CATSPERE: variants seen among roughly 807,000 people sequenced by gnomAD.
The protein encoded by CATSPERE is catsper channel auxiliary subunit epsilon, also known as cation channel sperm-associated auxiliary subunit epsilon.
Under a neutral mutation model 114.1 loss-of-function variants are expected in CATSPERE, and 93 were observed. The observed-to-expected ratio is 0.81, with a 90% CI of 0.69 to 0.97. The LOEUF (loss-of-function observed/expected upper bound fraction) is 0.97. CATSPERE is among the 50% of genes least tolerant of loss of function. The probability of loss-of-function intolerance (pLI) is 0.00; values close to 1 mark genes in which losing one functional copy is unlikely to be tolerated. For missense variants in CATSPERE, 1,058 were observed against 1,131.6 expected (o/e 0.93, Z 0.93); for synonymous variants, 341 against 384.1 (o/e 0.89, Z 1.31).
chr1:244,617,607 A>G lies in CATSPERE; in HGVS notation c.2569A>G (p.Asn857Asp). The G allele has an allele frequency of 1.3e-6, 2 of 1,543,984 alleles. No homozygotes were observed. Among genetic ancestry groups the G allele is most frequent in the Non-Finnish European group, 1.7e-6 (2 of 1,144,844 alleles). The change falls in exon 20 of 22, where the codon AAT becomes GAT. Residue 857 changes from asparagine to aspartate, a missense_variant. By Grantham distance (23) the Asn-to-Asp change is conservative. This residue lies in a region of CATSPERE where 787 missense variants were observed against 905.6 expected (regional missense o/e 0.87). Transcript: ENST00000366534. ...NQPYEIINSSNGNHIFWPMGH... is the reference protein window; with the variant it reads ...NQPYEIINSSDGNHIFWPMGH... ...ACCATACGAGATTATCAACAGTTCT[A>G]ATGGTAACCATATATTTTGGCCCAT...
rs572726297 is a variant in CATSPERE at position 244,611,322 on chromosome 1, GCTCACAC to G, written c.2490+999_2490+1005del. On this transcript the variant is annotated intron_variant, in intron 19 of 21. Coordinates refer to ENST00000366534, the MANE Select transcript of CATSPERE (RefSeq NM_001130957.2). ...AATCATAAGGGGGCCAGGCATGGTG[GCTCACAC>G]CTGTAATCCTAACACTTTCTGAGGC... Among the ~76,000 whole-genome samples the G allele has an allele frequency of 6.1e-3, 926 of 152,104 alleles. 12 individuals carry two copies. The highest frequency in any genetic ancestry group is 0.022 in the African/African-American group (894 of 41,486).
chr1:244,565,874 CTA>C (rs1432204485), intron 10 of CATSPERE, among the ~76,000 whole-genome samples: 1 of 152,130 alleles, frequency 6.6e-6, no homozygotes, highest in African/African-American at 2.4e-5. Flanking sequence ...TTGTCTTCTG[CTA>C]GCTTTTGAAC....
rs1665116135 is a variant in CATSPERE at position 244,575,556 on chromosome 1, C to T, written c.1950+2784C>T. On this transcript the variant is annotated intron_variant, in intron 11 of 21. Transcript: ENST00000366534. This position sits in a 1 kb window ranked among gnomAD's most constrained non-coding sequence, Gnocchi z 4.5. ...CTGGTGGCCTGGATGGCTCTAGCTG[C>T]ATGGCTGGGTGCGAGGAGAGCATCC... Among the ~76,000 whole-genome samples the T allele has an allele frequency of 6.6e-6, 1 of 152,178 alleles. No homozygotes were observed. Among genetic ancestry groups the T allele is most frequent in the Non-Finnish European group, 1.5e-5 (1 of 68,024 alleles).
At chr1:244,616,380 G>A (rs2819009) in intron 19 of CATSPERE, among the ~76,000 whole-genome samples, 23,830 of 152,148 alleles carry the variant, frequency 0.16, 2,038 homozygotes, top group East Asian at 0.28. Context: ...TTCAAAATAC[G>A]TAGAAAAAAG....
chr1:244,612,637 A>G (rs1035195990), intron 19 of CATSPERE, among the ~76,000 whole-genome samples: 8 of 152,188 alleles, frequency 5.3e-5, no homozygotes, highest in Non-Finnish European at 8.8e-5. Context: ...AAAATTGAGT[A>G]TAATGCATGA....
At chr1:244,472,341 A>G (rs1668619124) in intron 2 of CATSPERE, among the ~76,000 whole-genome samples, 1 of 152,230 alleles carries the variant, frequency 6.6e-6, no homozygotes, top group Non-Finnish European at 1.5e-5. Context: ...TGCATATTGA[A>G]TACATTTTGG....
At chr1:244,535,415 C>G (rs915581223) in intron 8 of CATSPERE, among the ~76,000 whole-genome samples, 1 of 152,170 alleles carries the variant, frequency 6.6e-6, no homozygotes, top group Admixed American at 6.5e-5. Flanking sequence ...AGTCAGAAAC[C>G]TTAGAAATCT....
chr1:244,506,833 C>T (rs539876403), intron 7 of CATSPERE, among the ~76,000 whole-genome samples: 1 of 152,208 alleles, frequency 6.6e-6, no homozygotes, highest in Non-Finnish European at 1.5e-5. Context: ...CTTCACCCTA[C>T]TATGCTATCA....
upstream of CATSPERE, among the ~76,000 whole-genome samples, chr1:244,457,871 A>G (rs1415817635): frequency 2.0e-5 from 3 of 152,186 alleles, no homozygotes; most frequent in Non-Finnish European, 2.9e-5. Flanking sequence ...TTTGGTCTAT[A>G]TTTGTGTAAA....
At position 244,463,973 on chromosome 1, in the gene CATSPERE, T is replaced by A; in HGVS notation, c.114+17T>A. The A allele has an allele frequency of 6.4e-7, 1 of 1,551,384 alleles. No individual in the cohort carries two copies. The highest frequency in any genetic ancestry group is 1.7e-5 in the Admixed American group (1 of 59,912). On this transcript the variant is annotated intron_variant, in intron 2 of 21. Coordinates refer to ENST00000366534, the MANE Select transcript of CATSPERE (RefSeq NM_001130957.2). ...AGAAGTACTGTAAGTGTTGAATTTT[T>A]AATAAACTATAGTTAAATATTAAAT...
intron 14 of CATSPERE, among the ~76,000 whole-genome samples, chr1:244,591,053 C>T (rs181380577): frequency 1.8e-4 from 28 of 152,334 alleles, no homozygotes; most frequent in Non-Finnish European, 3.1e-4. Context: ...TACATTATCA[C>T]CAGCAATATA....
rs2148620593 is a variant in CATSPERE, at chr1:244,584,021, CGTACA to C, written c.2085+83_2085+87del. The C allele has an allele frequency of 2.9e-6, 3 of 1,024,370 alleles. No homozygotes were observed. The East Asian group carries it at 7.5e-5, about 26-fold the overall frequency. 63.5% of individuals were successfully genotyped at this position (1,024,370 alleles called of 1,614,324 possible). The stretch of plus-strand genomic sequence containing the variant: ...AACCAAATAATGCATACAATACCTC[CGTACA>C]ATACCTCCATGCAATACCTCCATAC... On this transcript the variant is annotated intron_variant, in intron 13 of 21. Coordinates refer to ENST00000366534, the MANE Select transcript of CATSPERE (RefSeq NM_001130957.2).
upstream of CATSPERE, among the ~76,000 whole-genome samples, chr1:244,459,824 T>C (rs991010225): frequency 6.6e-5 from 10 of 152,230 alleles, no homozygotes; most frequent in African/African-American, 2.4e-4. Flanking sequence ...AGTACTAATG[T>C]GTTTGCCATG....
chr1:244,620,936 T>C (rs1205404804), intron 20 of CATSPERE, among the ~76,000 whole-genome samples: 6 of 146,916 alleles, frequency 4.1e-5, no homozygotes, highest in Admixed American at 1.4e-4. Flanking sequence ...CCTAAGGCTT[T>C]GAAGGGCAAA....
rs192721852 is a variant in CATSPERE, at chr1:244,489,764, G to A, written c.327-683G>A. Among the ~76,000 whole-genome samples, 714 of 151,952 alleles carry A rather than the reference G, an allele frequency of 4.7e-3. 4 individuals are homozygous for A. Among genetic ancestry groups the A allele is most frequent in the Admixed American group, 9.7e-3 (148 of 15,252 alleles). On this transcript the variant is annotated intron_variant, in intron 5 of 21. Transcript: ENST00000366534. ...TCTCAGAAGGGAGAAAACTTTAACTGCCATCTCCACTTTACGCCTGAGTTG... is the reference window on the plus strand; with the variant it reads ...TCTCAGAAGGGAGAAAACTTTAACTACCATCTCCACTTTACGCCTGAGTTG...
chr1:244,556,557 A>C (rs1661606545), intron 9 of CATSPERE, among the ~76,000 whole-genome samples: 1 of 152,190 alleles, frequency 6.6e-6, no homozygotes, highest in South Asian at 2.1e-4. Context: ...ACTAAAAGTA[A>C]AACACTGGAA....
chr1:244,572,481 G>T lies in CATSPERE; in HGVS notation c.1659G>T (p.Leu553=). 6.2e-7 allele frequency: 1 copy of T among 1,614,086 alleles called. No individual in the cohort carries two copies. The highest frequency in any genetic ancestry group is 8.5e-7 in the Non-Finnish European group (1 of 1,179,972). ...GTACATCTGGTCAAACATATTTCCT[G>T]TATGCTTTGGATGATGGCACAATAC... The part of the protein sequence containing the change: ...FLSTSGQTYF[L]YALDDGTIQI... Residue 553 remains leucine, a synonymous_variant, in exon 11 of 22, where the codon CTG becomes CTT. Transcript: ENST00000366534.
At chr1:244,527,542 A>G (rs561464808) in intron 8 of CATSPERE, among the ~76,000 whole-genome samples, 1 of 152,300 alleles carries the variant, frequency 6.6e-6, no homozygotes, top group African/African-American at 2.4e-5. Flanking sequence ...TGTGCAGTTA[A>G]TGCAATCATC....
intron 20 of CATSPERE, among the ~76,000 whole-genome samples, chr1:244,623,890 G>T (rs986165922): frequency 6.6e-6 from 1 of 152,180 alleles, no homozygotes; most frequent in African/African-American, 2.4e-5. Context: ...TTTTGTTGAT[G>T]GAGGGTCTTG....
Sources: allele counts gnomAD v4.1 joint callset (sites outside exome capture counted in the v4.1 genomes callset), GRCh38; gene constraint gnomAD v4.1.1; regional missense constraint gnomAD v4.1.1; non-coding constraint Gnocchi (gnomAD v3.1); transcripts MANE v1.5; gene names NCBI Gene and HGNC (gene_info 2026-07-23, HGNC 2026-07-21).